The following ENAH variants were observed in gnomAD, a reference collection of about 807,000 sequenced individuals.
The protein encoded by ENAH is ENAH actin regulator.
A neutral mutation model predicts 78.7 loss-of-function variants in ENAH; 23 were observed. The observed-to-expected ratio is 0.29, with a 90% CI of 0.21 to 0.41. The LOEUF (loss-of-function observed/expected upper bound fraction) is 0.41. Ranked by LOEUF, ENAH falls within the 10% of genes least tolerant of loss-of-function variation. The pLI, the probability that ENAH is intolerant of heterozygous loss-of-function variation, is 1.00. For missense variants in ENAH, 544 were observed against 691.0 expected (o/e 0.79, Z 2.39); for synonymous variants, 226 against 241.0 (o/e 0.94, Z 0.58).
intron 5 of ENAH, chr1:225,518,982 C>T: frequency 1.4e-6 from 1 of 723,784 alleles, no homozygotes; most frequent in Non-Finnish European, 2.1e-6. Flanking sequence ...TAAAAATTTC[C>T]AAGAGCTTTC....
At position 225,586,035 on chromosome 1, in the gene ENAH, C is replaced by T. The variant is rs544119980; in HGVS notation, c.6-18621G>A. On this transcript the variant is annotated intron_variant, in intron 1 of 13. Coordinates refer to ENST00000366843, the MANE Select transcript of ENAH (RefSeq NM_018212.6). ...TTGAGACCAGCCTGGGCAACAAGGTCAGACTCTTAACTCTATAAAAAATTT... is the reference window on the plus strand; with the variant it reads ...TTGAGACCAGCCTGGGCAACAAGGTTAGACTCTTAACTCTATAAAAAATTT... Among the ~76,000 whole-genome samples the T allele has an allele frequency of 6.6e-5, 10 of 151,848 alleles. No individual in the cohort carries two copies. The South Asian group carries it at 2.1e-3, about 32-fold the overall frequency.
intron 1 of ENAH, among the ~76,000 whole-genome samples, chr1:225,597,293 G>A (rs78664600): frequency 0.016 from 2,405 of 152,232 alleles, 80 homozygotes; most frequent in African/African-American, 0.054. Flanking sequence ...CCTAAAGTGG[G>A]AGATGTTAGA....
chr1:225,524,116 A>G (rs1575404194), intron 4 of ENAH, among the ~76,000 whole-genome samples: 1 of 151,746 alleles, frequency 6.6e-6, no homozygotes, highest in Non-Finnish European at 1.5e-5. Flanking sequence ...AAAATATCAG[A>G]CACAGTTCCT....
chr1:225,606,802 C>A, intron 1 of ENAH, among the ~76,000 whole-genome samples: 1 of 138,414 alleles, frequency 7.2e-6, no homozygotes. Context: ...AACATAACAC[C>A]ACTACACTCC....
intron 1 of ENAH, among the ~76,000 whole-genome samples, chr1:225,604,657 G>A (rs2148043349): frequency 6.6e-6 from 1 of 151,804 alleles, no homozygotes; most frequent in South Asian, 2.1e-4. Flanking sequence ...GCCAGGCATG[G>A]TGGTGGGTGC....
chr1:225,515,121 G>C (rs2096407584), intron 6 of ENAH: 3 of 517,628 alleles, frequency 5.8e-6, no homozygotes, highest in Admixed American at 3.9e-5. Context: ...TAGAGCTTTA[G>C]TAATAGAACT....
At chr1:225,518,863 CAT>C (rs913988111) in intron 5 of ENAH, among the ~76,000 whole-genome samples, 2 of 152,098 alleles carry the variant, frequency 1.3e-5, no homozygotes, top group African/African-American at 4.8e-5. Flanking sequence ...TAAGTGATCT[CAT>C]GAGGGAAATA....
intron 2 of ENAH, among the ~76,000 whole-genome samples, chr1:225,565,818 G>A (rs1477428796): frequency 6.6e-6 from 1 of 152,094 alleles, no homozygotes; most frequent in African/African-American, 2.4e-5. Context: ...AACACAACAA[G>A]GAAACTGGAG....
chr1:225,517,526 T>C (rs1336400752), intron 5 of ENAH: 4 of 1,551,292 alleles, frequency 2.6e-6, no homozygotes, highest in African/African-American at 1.4e-5. Context: ...GATGGAGGCA[T>C]TTGGGGCACA....
At chr1:225,615,371 G>C (rs2097021222) in intron 1 of ENAH, among the ~76,000 whole-genome samples, 1 of 152,188 alleles carries the variant, frequency 6.6e-6, no homozygotes, top group Admixed American at 6.5e-5. Context: ...CTGGAGTGCA[G>C]TGGCGTGATC....
chr1:225,556,642 T>A (rs929419406), intron 2 of ENAH, among the ~76,000 whole-genome samples: 7 of 152,226 alleles, frequency 4.6e-5, no homozygotes, highest in Non-Finnish European at 8.8e-5. Flanking sequence ...AATCGCCTTT[T>A]CACTCTTAAC....
intron 3 of ENAH, among the ~76,000 whole-genome samples, chr1:225,534,875 G>A (rs915600217): frequency 6.6e-6 from 1 of 152,096 alleles, no homozygotes; most frequent in Non-Finnish European, 1.5e-5. Flanking sequence ...GGGTGGCTAA[G>A]TGACATACCT....
intron 1 of ENAH, among the ~76,000 whole-genome samples, chr1:225,610,075 C>T (rs1042096963): frequency 6.6e-6 from 1 of 151,514 alleles, no homozygotes; most frequent in Non-Finnish European, 1.5e-5. Flanking sequence ...TTTTTTAAAA[C>T]CATGCTTTAG....
intron 1 of ENAH, among the ~76,000 whole-genome samples, chr1:225,633,940 T>C (rs527960997): frequency 6.1e-4 from 93 of 152,334 alleles, no homozygotes; most frequent in South Asian, 1.7e-3. Flanking sequence ...TAATATCAGG[T>C]CTTTGGAACT....
At chr1:225,590,645 C>G (rs1252908942) in intron 1 of ENAH, among the ~76,000 whole-genome samples, 1 of 152,028 alleles carries the variant, frequency 6.6e-6, no homozygotes, top group Non-Finnish European at 1.5e-5. Flanking sequence ...CTGTCTGGCC[C>G]GAGCTAGAAA....
At chr1:225,643,910 C>T (rs1486239766) in intron 1 of ENAH, among the ~76,000 whole-genome samples, 3 of 151,934 alleles carry the variant, frequency 2.0e-5, no homozygotes, top group Non-Finnish European at 4.4e-5. Context: ...GCACTCCAGC[C>T]TGGGTGACAG....
chr1:225,561,195 T>C (rs2096703446), intron 2 of ENAH, among the ~76,000 whole-genome samples: 1 of 152,192 alleles, frequency 6.6e-6, no homozygotes, highest in Admixed American at 6.5e-5. Flanking sequence ...ATCGCACCAC[T>C]GCACGCCAGC....
chr1:225,541,561 C>T (rs1454159480), intron 3 of ENAH, among the ~76,000 whole-genome samples: 1 of 152,098 alleles, frequency 6.6e-6, no homozygotes, highest in Non-Finnish European at 1.5e-5. Flanking sequence ...AAGTAAAGCT[C>T]GATAAAGCTG....
At chr1:225,592,495 C>T (rs1402914593) in intron 1 of ENAH, among the ~76,000 whole-genome samples, 2 of 152,114 alleles carry the variant, frequency 1.3e-5, no homozygotes, top group African/African-American at 2.4e-5. Context: ...TGAGAATCCG[C>T]GATGTTTAGT....
Sources: gnomAD v4.1 joint callset for allele counts (sites outside exome capture counted in the v4.1 genomes callset) on GRCh38, gnomAD v4.1.1 for gene constraint, MANE v1.5 for transcripts, NCBI Gene and HGNC (gene_info 2026-07-23, HGNC 2026-07-21) for gene names.